The following DSG2 variants were observed in gnomAD, a reference collection of about 807,000 sequenced individuals.
The protein encoded by DSG2 is desmoglein 2.
Under a neutral mutation model 75.6 loss-of-function variants are expected in DSG2, and 45 were observed. The ratio of observed to expected loss-of-function variants is 0.60; its 90% CI spans 0.47 to 0.76. The LOEUF (loss-of-function observed/expected upper bound fraction) is 0.76. Among genes scored for constraint, DSG2 ranks in the 30% least tolerant of loss-of-function variants. The pLI, the probability that DSG2 is intolerant of heterozygous loss-of-function variation, is 0.00. For missense variants in DSG2, 1,267 were observed against 1,357.4 expected (o/e 0.93, Z 1.05); for synonymous variants, 429 against 483.9 (o/e 0.89, Z 1.49).
intron 1 of DSG2, among the ~76,000 whole-genome samples, chr18:31,510,959 C>T (rs1296602548): frequency 6.6e-6 from 1 of 152,174 alleles, no homozygotes; most frequent in Admixed American, 6.5e-5. Flanking sequence ...TTCACAGCAT[C>T]CCCACAGGAG....
Position 31,547,137 on chromosome 18 carries a change from A to T in DSG2, c.*394A>T. On this transcript the variant is annotated 3_prime_UTR_variant, in exon 15 of 15. Coordinates refer to ENST00000261590, the MANE Select transcript of DSG2 (RefSeq NM_001943.5). ...GGGTCTCTTTGCCTACCGTATTAAC[A>T]TTAAACATTGATGTTCTGTATTCTG... The T allele has an allele frequency of 2.9e-6, 1 of 350,588 alleles. No homozygotes were observed. 21.7% of individuals were successfully genotyped at this position (350,588 alleles called of 1,614,324 possible).
chr18:31,544,932 T>C (rs905811873), intron 14 of DSG2, among the ~76,000 whole-genome samples: 1 of 152,160 alleles, frequency 6.6e-6, no homozygotes. Context: ...CTCTTCTAAA[T>C]TTGCAAATTA....
chr18:31,503,728 G>A (rs779137176), intron 1 of DSG2, among the ~76,000 whole-genome samples: 2 of 152,144 alleles, frequency 1.3e-5, no homozygotes, highest in African/African-American at 2.4e-5. Flanking sequence ...ATCAAAGCCA[G>A]GCAGAAAAGC....
intron 8 of DSG2, among the ~76,000 whole-genome samples, chr18:31,528,119 A>T (rs77825438): frequency 0.019 from 2,827 of 152,324 alleles, 61 homozygotes; most frequent in African/African-American, 0.052. Flanking sequence ...GAATTGTAAC[A>T]TGATGCAGGC....
intron 2 of DSG2, 75 bp downstream of exon 2, chr18:31,518,349 T>C: frequency 2.3e-6 from 3 of 1,278,908 alleles, no homozygotes; most frequent in Non-Finnish European, 3.4e-6. Flanking sequence ...TTGACTGGGC[T>C]TTACTAGATT....
intron 1 of DSG2, among the ~76,000 whole-genome samples, chr18:31,507,042 G>A (rs1432790074): frequency 6.6e-6 from 1 of 152,050 alleles, no homozygotes; most frequent in Non-Finnish European, 1.5e-5. Flanking sequence ...CTCGTCATCT[G>A]TATTAGGTAT....
At chr18:31,527,769 C>T (rs2073171334) in intron 8 of DSG2, among the ~76,000 whole-genome samples, 1 of 151,924 alleles carries the variant, frequency 6.6e-6, no homozygotes, top group Non-Finnish European at 1.5e-5. Flanking sequence ...ATCTGGGTTG[C>T]TTATTAACAA....
intron 3 of DSG2, among the ~76,000 whole-genome samples, chr18:31,520,153 G>A (rs1260366202): frequency 1.3e-5 from 2 of 152,094 alleles, no homozygotes; most frequent in East Asian, 3.8e-4. Flanking sequence ...CAGCATCATT[G>A]GCAAAAATAT....
At chr18:31,513,813 T>C (rs1010820377) in intron 1 of DSG2, among the ~76,000 whole-genome samples, 1 of 152,154 alleles carries the variant, frequency 6.6e-6, no homozygotes, top group Non-Finnish European at 1.5e-5. Flanking sequence ...TAGCCAGTGG[T>C]GTCATGTGGC....
At chr18:31,534,289 GT>G (rs2073215259) in intron 9 of DSG2, among the ~76,000 whole-genome samples, 1 of 151,844 alleles carries the variant, frequency 6.6e-6, no homozygotes, top group African/African-American at 2.4e-5. Context: ...TGCTTGGCCA[GT>G]TACATACGTT....
intron 1 of DSG2, among the ~76,000 whole-genome samples, chr18:31,516,724 G>A (rs56009511): frequency 0.041 from 6,232 of 152,230 alleles, 358 homozygotes; most frequent in East Asian, 0.15. Flanking sequence ...CTCCTCTAGC[G>A]ATATTGCCAG....
Position 31,546,385 on chromosome 18 carries a change from A to G in DSG2, c.2999A>G (p.Asn1000Ser). The change falls in exon 15 of 15, where the codon AAT becomes AGT. Residue 1000 changes from asparagine (N) to serine (S), a missense_variant. Coordinates refer to ENST00000261590, the MANE Select transcript of DSG2 (RefSeq NM_001943.5). ...ATACAGCCTCATGGGGGTGGATCGA[A>G]TCCTCTGGAAGGCACTCAGCATCTT... ...RVIQPHGGGS[N>S]PLEGTQHLQD... is the part of the protein sequence containing the mutation. 1 of 1,614,126 alleles carries G rather than the reference A, an allele frequency of 6.2e-7. No homozygotes were observed. Among genetic ancestry groups the G allele is most frequent in the Admixed American group, 1.7e-5 (1 of 60,020 alleles).
intron 2 of DSG2, among the ~76,000 whole-genome samples, chr18:31,518,998 C>T (rs1356940134): frequency 6.6e-6 from 1 of 152,098 alleles, no homozygotes; most frequent in Non-Finnish European, 1.5e-5. Flanking sequence ...ATCCTGAAAA[C>T]AATAAATTCA....
At chr18:31,530,590 G>A (rs1025496970) in intron 8 of DSG2, among the ~76,000 whole-genome samples, 3 of 151,988 alleles carry the variant, frequency 2.0e-5, no homozygotes, top group Non-Finnish European at 2.9e-5. Context: ...GCTAATTTTT[G>A]TATTTTTTTG....
At position 31,519,819 on chromosome 18, in the gene DSG2, A is replaced by C. The variant is rs727505205; in HGVS notation, c.98A>C (p.Asn33Thr). 21 of 1,614,092 alleles carry C rather than the reference A, an allele frequency of 1.3e-5. No individual in the cohort carries two copies. The Admixed American group carries it at 3.5e-4, about 27-fold the overall frequency. Residue 33 changes from asparagine (N) to threonine (T), a missense_variant, in exon 3 of 15, where the codon AAT becomes ACT. Asn to Thr is a moderately conservative substitution (Grantham distance 65). Transcript: ENST00000261590. Reference sequence around the variant, plus strand: ...TTGTTATAGGTCTTAAGCACAAGAAATGAAAATAAGCTGCTTCCTAAACAT... The same window carrying C: ...TTGTTATAGGTCTTAAGCACAAGAACTGAAAATAAGCTGCTTCCTAAACAT... Reference protein sequence around the residue: ...GLHLQVLSTRNENKLLPKHPH... With the variant: ...GLHLQVLSTRTENKLLPKHPH...
chr18:31,516,712 GCCT>G (rs1367408981), intron 1 of DSG2, among the ~76,000 whole-genome samples: 1 of 152,180 alleles, frequency 6.6e-6, no homozygotes, highest in Admixed American at 6.5e-5. Context: ...AGCCACTGTG[GCCT>G]CCTCTAGCGA....
At chr18:31,519,680 T>C in intron 2 of DSG2, 123 bp from the exon 3 acceptor site, 4 of 1,014,608 alleles carry the variant, frequency 3.9e-6, no homozygotes, top group Non-Finnish European at 6.0e-6. Context: ...TGAAGCCTCA[T>C]AGGAAATACG....
Position 31,530,892 on chromosome 18 carries a change from T to C in DSG2, c.1015-95T>C, listed in dbSNP as rs537124402. The C allele has an allele frequency of 5.2e-5, 65 of 1,239,070 alleles. No homozygotes were observed. In the Middle Eastern group the frequency reaches 8.0e-4, roughly 15 times the overall value. 76.8% of individuals were successfully genotyped at this position (1,239,070 alleles called of 1,614,324 possible). A position where few individuals can be genotyped will look rare whatever the true frequency, so the allele number is the denominator to read the frequency against. On this transcript the variant is annotated intron_variant, in intron 8 of 14. Coordinates refer to ENST00000261590, the MANE Select transcript of DSG2 (RefSeq NM_001943.5). ...GCTATATTTCCTGTGCATTAAATTA[T>C]TGTATCTAACATTAAAACCACACAT... is the stretch of plus-strand genomic sequence containing the variant.
chr18:31,511,969 C>T (rs1304439968), intron 1 of DSG2, among the ~76,000 whole-genome samples: 1 of 152,160 alleles, frequency 6.6e-6, no homozygotes, highest in Non-Finnish European at 1.5e-5. Flanking sequence ...CAATTTAATA[C>T]CAGCCTTTTG....
Sources: allele counts gnomAD v4.1 joint callset (sites outside exome capture counted in the v4.1 genomes callset), GRCh38; gene constraint gnomAD v4.1.1; transcripts MANE v1.5; gene names NCBI Gene and HGNC (gene_info 2026-07-23, HGNC 2026-07-21).